KIFAP3: variants seen among roughly 807,000 people sequenced by gnomAD.
The protein encoded by KIFAP3 is kinesin associated protein 3.
A neutral mutation model predicts 106.5 loss-of-function variants in KIFAP3; 68 were observed. That is an observed-to-expected ratio of 0.64 (90% confidence interval 0.53 to 0.78). The LOEUF is 0.78. Ranked by LOEUF, KIFAP3 falls within the 30% of genes least tolerant of loss-of-function variation. KIFAP3 has a pLI of 0.00. For missense variants in KIFAP3, 780 were observed against 941.8 expected, an observed-to-expected ratio of 0.83 and a Z score of 2.25; for synonymous variants, 320 against 311.5, an observed-to-expected ratio of 1.03 and a Z score of -0.29.
chr1:170,014,448 T>A lies in KIFAP3; in HGVS notation c.1183+2014A>T, dbSNP rs542279420. Among the ~76,000 whole-genome samples, 4 of 152,326 alleles carry A rather than the reference T, an allele frequency of 2.6e-5. No homozygotes were observed. In the South Asian group the frequency reaches 8.3e-4, roughly 32 times the overall value. ...GGTAATGTTTATTGCTTTATCTGAA[T>A]TACTTTCTATAGCCTCAACTCTTAC... On this transcript the variant is annotated intron_variant, in intron 10 of 19. Coordinates refer to ENST00000361580, the MANE Select transcript of KIFAP3 (RefSeq NM_014970.4).
At chr1:170,065,578 C>T (rs1190845235) in intron 1 of KIFAP3, among the ~76,000 whole-genome samples, 1 of 141,474 alleles carries the variant, frequency 7.1e-6, no homozygotes, top group African/African-American at 2.7e-5. Context: ...CATGCCACTG[C>T]CCTCCAGCCT....
chr1:169,950,466 T>C (rs574915238), intron 19 of KIFAP3, among the ~76,000 whole-genome samples: 1 of 152,260 alleles, frequency 6.6e-6, no homozygotes, highest in South Asian at 2.1e-4. Context: ...AGGGAAAGAA[T>C]TTATAAATCA....
At chr1:169,992,301 T>C (rs932330057) in intron 10 of KIFAP3, 46 bp from the exon 11 acceptor site, 1 of 984,404 alleles carries the variant, frequency 1.0e-6, no homozygotes, top group South Asian at 1.7e-5. Flanking sequence ...TATATATTTT[T>C]TATATAGCAC....
At chr1:169,997,742 T>G (rs575271492) in intron 10 of KIFAP3, among the ~76,000 whole-genome samples, 6 of 151,476 alleles carry the variant, frequency 4.0e-5, no homozygotes, top group Non-Finnish European at 8.8e-5. Flanking sequence ...TGATGGCAGG[T>G]GCCTATAATC....
chr1:170,028,827 A>C (rs752485390), intron 8 of KIFAP3, among the ~76,000 whole-genome samples: 54 of 152,132 alleles, frequency 3.5e-4, no homozygotes, highest in Non-Finnish European at 6.0e-4. Flanking sequence ...TGTATAATAT[A>C]AACCTTAAAG....
chr1:169,949,891 C>A (rs547129889), intron 19 of KIFAP3, among the ~76,000 whole-genome samples: 6 of 152,174 alleles, frequency 3.9e-5, no homozygotes, highest in African/African-American at 1.4e-4. Flanking sequence ...TGTCCAACTG[C>A]CAATATCTAT....
At chr1:169,944,704 T>G (rs1041178394) in intron 19 of KIFAP3, among the ~76,000 whole-genome samples, 6 of 152,086 alleles carry the variant, frequency 3.9e-5, no homozygotes, top group African/African-American at 1.4e-4. Flanking sequence ...GTAGCTCCTT[T>G]CTGCAGGCGG....
At chr1:170,083,061 A>G (rs944766678) in intron 1 of KIFAP3, among the ~76,000 whole-genome samples, 1 of 152,186 alleles carries the variant, frequency 6.6e-6, no homozygotes, top group Non-Finnish European at 1.5e-5. Context: ...AGAGAAAACC[A>G]GTTCTTAAAA....
intron 11 of KIFAP3, among the ~76,000 whole-genome samples, chr1:169,985,091 G>GA (rs1167529298): frequency 1.1e-4 from 16 of 151,816 alleles, no homozygotes; most frequent in African/African-American, 3.9e-4. Flanking sequence ...TGGTGAAAGG[G>GA]AAACAACAGT....
intron 9 of KIFAP3, among the ~76,000 whole-genome samples, chr1:170,018,664 A>C (rs1668648471): frequency 6.7e-6 from 1 of 149,292 alleles, no homozygotes; most frequent in Non-Finnish European, 1.5e-5. Context: ...GGAGATCTAA[A>C]ATATTTATTT....
At chr1:170,064,776 T>C (rs1288451967) in intron 1 of KIFAP3, among the ~76,000 whole-genome samples, 2 of 152,260 alleles carry the variant, frequency 1.3e-5, no homozygotes, top group Non-Finnish European at 2.9e-5. Context: ...TGGAGGATCA[T>C]GTATTGTTCT....
chr1:170,024,417 C>A lies in KIFAP3; in HGVS notation c.1020+1G>T. 6.5e-7 allele frequency: 1 copy of A among 1,540,656 alleles called. No homozygotes were observed. On this transcript the variant is annotated splice_donor_variant, in intron 9 of 19. Transcript: ENST00000361580. LOFTEE classifies it high-confidence loss of function. Reference sequence around the variant, plus strand: ...TTTCAAGAAAAAGCTTTGTAAGTTACCATATCATTTTTATTCTCCATAAAA... The same window carrying A: ...TTTCAAGAAAAAGCTTTGTAAGTTAACATATCATTTTTATTCTCCATAAAA...
intron 19 of KIFAP3, among the ~76,000 whole-genome samples, chr1:169,926,703 A>G (rs3068642): frequency 0.058 from 8,634 of 148,696 alleles, 771 homozygotes; most frequent in African/African-American, 0.19. Context: ...ACACACACAC[A>G]CATTCAAAAT....
At chr1:170,001,709 T>A (rs1392480644) in intron 10 of KIFAP3, among the ~76,000 whole-genome samples, 1 of 152,118 alleles carries the variant, frequency 6.6e-6, no homozygotes, top group Non-Finnish European at 1.5e-5. Flanking sequence ...CCAAACCAAT[T>A]TATTTTTTAA....
chr1:170,063,279 T>C (rs1671276688), intron 1 of KIFAP3, among the ~76,000 whole-genome samples: 2 of 152,192 alleles, frequency 1.3e-5, no homozygotes, highest in Non-Finnish European at 2.9e-5. Context: ...AACCTAAGAT[T>C]AGTCTTTGAG....
At chr1:170,074,720 G>A, upstream of KIFAP3, 1 of 1,378,984 alleles carries the variant, frequency 7.3e-7, no homozygotes, top group Non-Finnish European at 9.4e-7. Flanking sequence ...CGACGCATGC[G>A]CTTGCTCTGC....
Position 169,921,665 on chromosome 1 carries a change from C to A in KIFAP3, c.*11G>T. On this transcript the variant is annotated 3_prime_UTR_variant, in exon 20 of 20. Transcript: ENST00000361580. The stretch of plus-strand genomic sequence containing the variant: ...TCTAAGCTGAGATTACACATGGAAA[C>A]AGATACTTTATCAAGATCCATAGCC... 6.3e-7 allele frequency: 1 copy of A among 1,597,942 alleles called. No individual in the cohort carries two copies. The highest frequency in any genetic ancestry group is 1.1e-5 in the South Asian group (1 of 90,574).
At chr1:170,049,779 A>G (rs1208492929) in intron 2 of KIFAP3, among the ~76,000 whole-genome samples, 1 of 151,842 alleles carries the variant, frequency 6.6e-6, no homozygotes, top group Non-Finnish European at 1.5e-5. Context: ...ACACACAGAG[A>G]GCAACAACAA....
At chr1:169,960,729 T>G (rs1665280444) in intron 18 of KIFAP3, among the ~76,000 whole-genome samples, 1 of 152,164 alleles carries the variant, frequency 6.6e-6, no homozygotes, top group African/African-American at 2.4e-5. Flanking sequence ...AAATGAATAT[T>G]ACATTTTTGA....
Sources: allele counts gnomAD v4.1 joint callset (sites outside exome capture counted in the v4.1 genomes callset), GRCh38; gene constraint gnomAD v4.1.1; transcripts MANE v1.5; gene names NCBI Gene and HGNC (gene_info 2026-07-23, HGNC 2026-07-21).